Variants in PSD3 observed in about 807,000 individuals in gnomAD.
PSD3 encodes pleckstrin and Sec7 domain containing 3, also known as PH and SEC7 domain-containing protein 3.
A neutral mutation model predicts 105.5 loss-of-function variants in PSD3; 49 were observed. The ratio of observed to expected loss-of-function variants is 0.46; its 90% CI spans 0.37 to 0.59. The LOEUF (loss-of-function observed/expected upper bound fraction) is 0.59. Among genes scored for constraint, PSD3 ranks in the 20% least tolerant of loss-of-function variants. The pLI is 0.00. For missense variants in PSD3, 1,561 were observed against 1,263.8 expected (o/e 1.24, Z -3.57); for synonymous variants, 557 against 457.8 (o/e 1.22, Z -2.77).
intron 4 of PSD3, among the ~76,000 whole-genome samples, chr8:18,821,944 A>C (rs190967176): frequency 4.9e-4 from 75 of 152,194 alleles, no homozygotes; most frequent in Non-Finnish European, 7.5e-4. Context: ...AGAAAAAATA[A>C]GACTGGCAAG....
chr8:18,797,606 T>C (rs1242521145), intron 8 of PSD3, among the ~76,000 whole-genome samples: 9 of 152,128 alleles, frequency 5.9e-5, no homozygotes, highest in African/African-American at 2.2e-4. Flanking sequence ...TCTTTATTGG[T>C]TGCTACATTT....
At chr8:18,910,627 T>A (rs1203892912) in intron 2 of PSD3, among the ~76,000 whole-genome samples, 1 of 101,180 alleles carries the variant, frequency 9.9e-6, no homozygotes, top group Non-Finnish European at 1.8e-5. Context: ...CCCTAAAACT[T>A]AGAGTATAAT....
intron 4 of PSD3, among the ~76,000 whole-genome samples, chr8:18,859,583 C>G (rs2129454925): frequency 6.6e-6 from 1 of 152,352 alleles, no homozygotes. Context: ...TTTAGTGTAG[C>G]TAGCTTTATC....
chr8:18,675,390 T>C (rs1367779310), intron 9 of PSD3, among the ~76,000 whole-genome samples: 2 of 152,162 alleles, frequency 1.3e-5, no homozygotes, highest in African/African-American at 4.8e-5. Context: ...AGCTTCGTAA[T>C]CTTATTTATT....
intron 14 of PSD3, among the ~76,000 whole-genome samples, chr8:18,567,421 A>T (rs1416669342): frequency 1.3e-5 from 2 of 152,196 alleles, no homozygotes; most frequent in African/African-American, 2.4e-5. Context: ...TTAAGAGTTC[A>T]TATTTTAGTT....
intron 14 of PSD3, among the ~76,000 whole-genome samples, chr8:18,560,278 G>T (rs866128798): frequency 7.9e-5 from 12 of 152,022 alleles, no homozygotes; most frequent in Middle Eastern, 6.8e-3. Flanking sequence ...AGAGGCTGCA[G>T]CCATGGAGAT....
chr8:18,894,419 A>C (rs1377415650), intron 2 of PSD3, among the ~76,000 whole-genome samples: 1 of 152,164 alleles, frequency 6.6e-6, no homozygotes, highest in Non-Finnish European at 1.5e-5. Flanking sequence ...TCCAGACCTG[A>C]CATCTCCCCT....
At chr8:18,949,241 AAAAATATATATATATATAT>A (rs1823067760) in intron 1 of PSD3, among the ~76,000 whole-genome samples, 1 of 72,176 alleles carries the variant, frequency 1.4e-5, no homozygotes, top group African/African-American at 6.0e-5. Flanking sequence ...AAAAAAAAAA[AAAAATATATATATATATAT>A]ATATATATAT....
At chr8:18,844,710 A>G (rs1263710507) in intron 4 of PSD3, among the ~76,000 whole-genome samples, 1 of 152,240 alleles carries the variant, frequency 6.6e-6, no homozygotes, top group African/African-American at 2.4e-5. Context: ...AGATTATTAG[A>G]AAAGTTAGTT....
chr8:18,545,963 C>T (rs896820332), intron 15 of PSD3, among the ~76,000 whole-genome samples: 11 of 152,134 alleles, frequency 7.2e-5, no homozygotes, highest in Non-Finnish European at 1.6e-4. Flanking sequence ...CATTTCATCA[C>T]CTACATTTAT....
At chr8:18,765,879 A>T (rs574984443) in intron 8 of PSD3, among the ~76,000 whole-genome samples, 53 of 152,082 alleles carry the variant, frequency 3.5e-4, no homozygotes, top group African/African-American at 1.3e-3. Context: ...GAGGCAGGAG[A>T]ATCGCTTGAA....
intron 8 of PSD3, among the ~76,000 whole-genome samples, chr8:18,787,821 T>C (rs544512011): frequency 1.9e-4 from 29 of 152,338 alleles, no homozygotes; most frequent in African/African-American, 6.7e-4. Context: ...ATATGTTTAA[T>C]ACATTCCCAT....
At chr8:18,763,020 C>CA in intron 9 of PSD3, 1 of 731,452 alleles carries the variant, frequency 1.4e-6, no homozygotes, top group Non-Finnish European at 2.1e-6. Context: ...TCCAATCCCA[C>CA]AACACCTAGT....
chr8:18,580,752 G>A (rs962515741), intron 12 of PSD3, among the ~76,000 whole-genome samples: 1 of 152,136 alleles, frequency 6.6e-6, no homozygotes, highest in Non-Finnish European at 1.5e-5. Context: ...CAGGGTAAAG[G>A]TAAATAAATT....
At chr8:18,626,777 G>C (rs1457385039) in intron 11 of PSD3, among the ~76,000 whole-genome samples, 1 of 152,120 alleles carries the variant, frequency 6.6e-6, no homozygotes, top group Non-Finnish European at 1.5e-5. Context: ...TGTTCAACCA[G>C]ACATGATTGA....
intron 4 of PSD3, among the ~76,000 whole-genome samples, chr8:18,814,146 A>C (rs141577833): frequency 6.6e-6 from 1 of 152,254 alleles, no homozygotes; most frequent in African/African-American, 2.4e-5. Flanking sequence ...AAACCTAATT[A>C]GCAGAATTCC....
intron 8 of PSD3, among the ~76,000 whole-genome samples, chr8:18,765,779 T>G (rs1806934727): frequency 6.6e-6 from 1 of 151,930 alleles, no homozygotes; most frequent in African/African-American, 2.4e-5. Context: ...ACTACTAACA[T>G]GTTTAGTAAA....
chr8:18,910,986 T>C (rs1017495151), intron 2 of PSD3, among the ~76,000 whole-genome samples: 2 of 150,352 alleles, frequency 1.3e-5, no homozygotes, highest in South Asian at 2.1e-4. Flanking sequence ...TGTACTCCTG[T>C]AGTCCCAGCT....
chr8:18,750,075 A>C, intron 9 of PSD3, among the ~76,000 whole-genome samples: 1 of 152,182 alleles, frequency 6.6e-6, no homozygotes, highest in Admixed American at 6.5e-5. Flanking sequence ...GTTTCAAGCC[A>C]CTAAGTTTGT....
Sources: gnomAD v4.1 joint callset for allele counts (sites outside exome capture counted in the v4.1 genomes callset) on GRCh38, gnomAD v4.1.1 for gene constraint, MANE v1.5 for transcripts, NCBI Gene and HGNC (gene_info 2026-07-23, HGNC 2026-07-21) for gene names.